Variants in CSMD1 observed in about 807,000 individuals in gnomAD.
CSMD1 encodes the protein CUB and Sushi multiple domains 1.
A neutral mutation model predicts 417.5 loss-of-function variants in CSMD1; 213 were observed. The observed-to-expected ratio is 0.51, with a 90% CI of 0.46 to 0.57. The LOEUF (loss-of-function observed/expected upper bound fraction) is 0.57. Among genes scored for constraint, CSMD1 ranks in the 20% least tolerant of loss-of-function variants. The pLI is 0.00. For synonymous variants in CSMD1, 2,862 were observed against 1,736.8 expected (o/e 1.65, Z -16.11); for missense variants, 6,923 against 4,529.7 (o/e 1.53, Z -15.17).
intron 3 of CSMD1, among the ~76,000 whole-genome samples, chr8:4,267,631 A>G (rs1274715433): frequency 6.7e-6 from 1 of 149,838 alleles, no homozygotes; most frequent in Non-Finnish European, 1.5e-5. Context: ...AAATATTAAT[A>G]ATTAAATACA....
intron 41 of CSMD1, among the ~76,000 whole-genome samples, chr8:3,122,371 T>C (rs1274150646): frequency 6.6e-6 from 1 of 152,150 alleles, no homozygotes; most frequent in Non-Finnish European, 1.5e-5. Context: ...TTAGAGACAC[T>C]CTACAAAGAT....
At chr8:3,966,686 C>T (rs1048246795) in intron 5 of CSMD1, among the ~76,000 whole-genome samples, 3 of 152,026 alleles carry the variant, frequency 2.0e-5, no homozygotes, top group African/African-American at 7.3e-5. Flanking sequence ...TATCTGCCAC[C>T]ACAGCGTATG....
At chr8:4,635,199 G>C (rs923133037) in intron 2 of CSMD1, among the ~76,000 whole-genome samples, 3 of 151,968 alleles carry the variant, frequency 2.0e-5, no homozygotes, top group Non-Finnish European at 2.9e-5. Flanking sequence ...AACCCAGCAA[G>C]TAAAAGAAAA....
intron 3 of CSMD1, among the ~76,000 whole-genome samples, chr8:4,314,381 C>T (rs943490758): frequency 1.3e-5 from 2 of 152,186 alleles, no homozygotes; most frequent in Non-Finnish European, 2.9e-5. Context: ...TCTGTCAGGG[C>T]CAGAGTTCAC....
intron 3 of CSMD1, among the ~76,000 whole-genome samples, chr8:4,355,323 A>ACG (rs202109915): frequency 9.4e-6 from 1 of 106,268 alleles, no homozygotes; most frequent in East Asian, 3.2e-4. Context: ...ACACACACAC[A>ACG]CGCACACACA....
chr8:2,951,060 T>C (rs999792160), intron 66 of CSMD1, 54 bp downstream of exon 66: 3 of 1,552,740 alleles, frequency 1.9e-6, no homozygotes, highest in Non-Finnish European at 2.6e-6. Context: ...TGTGAAAAGA[T>C]AACAGGTCTA....
chr8:3,773,486 C>T (rs931101077), intron 5 of CSMD1, among the ~76,000 whole-genome samples: 6 of 152,062 alleles, frequency 3.9e-5, no homozygotes, highest in East Asian at 1.9e-4. Flanking sequence ...TGGGTCTCAC[C>T]GTGTTTCCCA....
intron 2 of CSMD1, among the ~76,000 whole-genome samples, chr8:4,441,785 A>G (rs1246175103): frequency 6.6e-6 from 1 of 152,158 alleles, no homozygotes; most frequent in African/African-American, 2.4e-5. Context: ...TCTTGGGTGT[A>G]TCACAAGATA....
At chr8:3,675,630 G>A (rs543074779) in intron 7 of CSMD1, among the ~76,000 whole-genome samples, 57 of 152,194 alleles carry the variant, frequency 3.7e-4, no homozygotes, top group African/African-American at 5.3e-4. Flanking sequence ...AGGAAAGGAG[G>A]AAACCAGGGT....
chr8:3,058,595 G>A (rs1812390352), intron 49 of CSMD1, among the ~76,000 whole-genome samples: 1 of 152,306 alleles, frequency 6.6e-6, no homozygotes, highest in Middle Eastern at 3.4e-3. Flanking sequence ...CCTCTAGAAA[G>A]AATGTTTGTG....
chr8:4,904,595 A>C (rs1392106928), intron 1 of CSMD1, among the ~76,000 whole-genome samples: 2 of 152,240 alleles, frequency 1.3e-5, no homozygotes, highest in East Asian at 3.9e-4. Context: ...AATATCATTA[A>C]GCACATATAT....
intron 5 of CSMD1, among the ~76,000 whole-genome samples, chr8:3,832,875 C>T (rs1173508440): frequency 6.6e-6 from 1 of 151,932 alleles, no homozygotes; most frequent in African/African-American, 2.4e-5. Flanking sequence ...TTGGAGAATC[C>T]AAGAAGAAAA....
In CSMD1 at chr8:4,262,130, A is replaced by G. The variant is rs535301524; in HGVS notation, c.415+157823T>C. On this transcript the variant is annotated intron_variant, in intron 3 of 69. Transcript: ENST00000635120. Reference sequence around the variant, plus strand: ...CTTCTCTTTCCTATAGAGAATTGTTAGAGTTCTAATTCTGCTATTTGTAGA... The same window carrying G: ...CTTCTCTTTCCTATAGAGAATTGTTGGAGTTCTAATTCTGCTATTTGTAGA... Among the ~76,000 whole-genome samples the G allele has an allele frequency of 1.0e-3, 157 of 152,266 alleles. 1 individual carries two copies. The highest frequency in any genetic ancestry group is 3.5e-3 in the South Asian group (17 of 4,822).
chr8:4,467,606 A>T (rs1800262024), intron 2 of CSMD1, among the ~76,000 whole-genome samples: 1 of 152,242 alleles, frequency 6.6e-6, no homozygotes, highest in African/African-American at 2.4e-5. Context: ...GAGTCAGTGC[A>T]TTATAACAAT....
At chr8:3,723,537 A>G (rs1371759138) in intron 6 of CSMD1, among the ~76,000 whole-genome samples, 2 of 152,232 alleles carry the variant, frequency 1.3e-5, no homozygotes, top group Non-Finnish European at 1.5e-5. Flanking sequence ...TTACTTAAAA[A>G]TGAACAGTCA....
rs1182403491 is a variant in CSMD1 at position 3,435,391 on chromosome 8, T to C, written c.1562-25786A>G. ...CAGCCACCCAGTCCCGCCACCTCTCTGGAGACCTCATAGAAATGCCTGAAA... is the reference window on the plus strand; with the variant it reads ...CAGCCACCCAGTCCCGCCACCTCTCCGGAGACCTCATAGAAATGCCTGAAA... On this transcript the variant is annotated intron_variant, in intron 12 of 69. Transcript: ENST00000635120. Among the ~76,000 whole-genome samples the C allele has an allele frequency of 2.0e-5, 3 of 152,140 alleles. No homozygotes were observed. The East Asian group carries it at 5.8e-4, about 29-fold the overall frequency.
chr8:3,205,030 C>A (rs1003606956), intron 31 of CSMD1, among the ~76,000 whole-genome samples: 1 of 152,174 alleles, frequency 6.6e-6, no homozygotes, highest in African/African-American at 2.4e-5. Context: ...GTGAAACAGT[C>A]AAGACTCTGC....
intron 3 of CSMD1, among the ~76,000 whole-genome samples, chr8:4,340,152 T>C (rs971376034): frequency 2.6e-5 from 4 of 152,258 alleles, no homozygotes; most frequent in Non-Finnish European, 4.4e-5. Context: ...ATTTAACATG[T>C]TCTATTTTCT....
At chr8:4,916,832 C>T (rs1340098438) in intron 1 of CSMD1, among the ~76,000 whole-genome samples, 1 of 152,192 alleles carries the variant, frequency 6.6e-6, no homozygotes, top group Non-Finnish European at 1.5e-5. Context: ...TCAACAGAAT[C>T]CCTGAGAATA....
Sources: allele counts gnomAD v4.1 joint callset (sites outside exome capture counted in the v4.1 genomes callset), GRCh38; gene constraint gnomAD v4.1.1; transcripts MANE v1.5; gene names NCBI Gene and HGNC (gene_info 2026-07-23, HGNC 2026-07-21).